FBXW7: variants seen among roughly 807,000 people sequenced by gnomAD.
The protein encoded by FBXW7 is F-box and WD repeat domain containing 7.
A neutral mutation model predicts 86.3 loss-of-function variants in FBXW7; 11 were observed. That is an observed-to-expected ratio of 0.13 (90% CI 0.08 to 0.21). The LOEUF (loss-of-function observed/expected upper bound fraction) is 0.21, where lower values mean the gene tolerates loss of function less well. Among genes scored for constraint, FBXW7 ranks in the 10% least tolerant of loss-of-function variants. The pLI is 1.00. For missense variants in FBXW7, 488 were observed against 847.4 expected (o/e 0.58, Z 5.27); for synonymous variants, 313 against 297.9 (o/e 1.05, Z -0.52).
chr4:152,438,866 CA>C (rs1446801378), intron 2 of FBXW7, among the ~76,000 whole-genome samples: 1 of 152,148 alleles, frequency 6.6e-6, no homozygotes, highest in East Asian at 1.9e-4. Flanking sequence ...AATATAGTAG[CA>C]GCAATGATAA....
chr4:152,412,539 A>G lies in FBXW7; in HGVS notation c.-119-10T>C, dbSNP rs1738054784. On this transcript the variant is annotated splice_polypyrimidine_tract_variant and intron_variant, in intron 2 of 13. Coordinates refer to ENST00000281708, the MANE Select transcript of FBXW7 (RefSeq NM_001349798.2). Reference sequence around the variant, plus strand: ...TCCTAAGGAAGTAATCCTAAAACAGAAAAAAAAAATTTATACAGAGGATGC... The same window carrying G: ...TCCTAAGGAAGTAATCCTAAAACAGGAAAAAAAAATTTATACAGAGGATGC... 1 of 150,870 alleles carries G rather than the reference A, an allele frequency of 6.6e-6. No homozygotes were observed. Among genetic ancestry groups the G allele is most frequent in the Non-Finnish European group, 1.5e-5 (1 of 67,566 alleles). 9.3% of individuals were successfully genotyped at this position (150,870 alleles called of 1,614,324 possible).
chr4:152,382,056 T>C (rs1267943654), intron 4 of FBXW7: 7 of 495,948 alleles, frequency 1.4e-5, no homozygotes, highest in Non-Finnish European at 1.4e-5. Flanking sequence ...TATATAAGTG[T>C]TTACTGGCTA....
chr4:152,480,444 T>C (rs1246960489), intron 2 of FBXW7, among the ~76,000 whole-genome samples: 1 of 152,102 alleles, frequency 6.6e-6, no homozygotes, highest in Non-Finnish European at 1.5e-5. Flanking sequence ...ACATTGAAAT[T>C]TGTCCAATTA....
Position 152,444,023 on chromosome 4 carries a change from G to GTTCTCTACAAACATGTGC in FBXW7, c.-119-31512_-119-31495dup, listed in dbSNP as rs200267652. ...CCTTCCAGCTCCTTCTCTACAAAGC[G>GTTCTCTACAAACATGTGC]TTCTCTACAAACATGTGCTTCTCTA... On this transcript the variant is annotated intron_variant, in intron 2 of 13. Coordinates refer to ENST00000281708, the MANE Select transcript of FBXW7 (RefSeq NM_001349798.2). 5.0e-3 allele frequency among the ~76,000 whole-genome samples: 765 copies of GTTCTCTACAAACATGTGC among 151,928 alleles called. 7 individuals carry two copies. The highest frequency in any genetic ancestry group is 0.017 in the African/African-American group (706 of 41,340).
chr4:152,341,802 C>T (rs983595581), intron 6 of FBXW7, among the ~76,000 whole-genome samples: 6 of 152,124 alleles, frequency 3.9e-5, no homozygotes, highest in Admixed American at 6.5e-5. Flanking sequence ...TGACTATCTA[C>T]GTGTGTATGT....
chr4:152,458,804 AAAGG>A (rs1742670980), intron 2 of FBXW7, among the ~76,000 whole-genome samples: 1 of 152,232 alleles, frequency 6.6e-6, no homozygotes, highest in Non-Finnish European at 1.5e-5. Flanking sequence ...GGCAGGAAAG[AAAGG>A]GAGGTGGGGG....
chr4:152,346,361 G>T (rs190640110), intron 6 of FBXW7, among the ~76,000 whole-genome samples: 9 of 152,138 alleles, frequency 5.9e-5, no homozygotes, highest in Admixed American at 5.9e-4. Flanking sequence ...TAGAAAACTA[G>T]ACAACCCAGA....
chr4:152,493,554 C>T (rs566722452), intron 2 of FBXW7, among the ~76,000 whole-genome samples: 142 of 152,300 alleles, frequency 9.3e-4, no homozygotes, highest in African/African-American at 3.3e-3. Flanking sequence ...GCCCTAACCC[C>T]CAGTACGTCA....
intron 2 of FBXW7, among the ~76,000 whole-genome samples, chr4:152,530,070 T>C (rs4986777): frequency 1.7e-4 from 21 of 124,652 alleles, no homozygotes; most frequent in Non-Finnish European, 2.0e-4. Flanking sequence ...AAAAAAAAAA[T>C]ACACACACAC....
Position 152,513,097 on chromosome 4 carries a change from G to C in FBXW7, c.-120+21844C>G, listed in dbSNP as rs142830464. ...GGCTGGTCTCGAACCCTTGACCTCA[G>C]GTGATCCGCTCACCTCAGCCTCCCA... On this transcript the variant is annotated intron_variant, in intron 2 of 13. Transcript: ENST00000281708. Among the ~76,000 whole-genome samples, 1,279 of 152,216 alleles carry C rather than the reference G, an allele frequency of 8.4e-3. 11 individuals are homozygous for C. Among genetic ancestry groups the C allele is most frequent in the Non-Finnish European group, 0.013 (860 of 68,004 alleles).
At chr4:152,382,076 T>C (rs1456092478) in intron 4 of FBXW7, 1 of 614,102 alleles carries the variant, frequency 1.6e-6, no homozygotes, top group Middle Eastern at 2.7e-4. Context: ...ACACAATGCA[T>C]TGATAGTTTT....
intron 2 of FBXW7, among the ~76,000 whole-genome samples, chr4:152,423,160 T>A (rs1739092757): frequency 6.6e-6 from 1 of 152,188 alleles, no homozygotes; most frequent in African/African-American, 2.4e-5. Flanking sequence ...TTTTAGCAGC[T>A]GTTGATATTC....
At position 152,322,824 on chromosome 4, in the gene FBXW7, G is replaced by A. The variant is rs2126455655; in HGVS notation, c.*57C>T. 6 of 1,579,454 alleles carry A rather than the reference G, an allele frequency of 3.8e-6. No homozygotes were observed. Among genetic ancestry groups the A allele is most frequent in the Non-Finnish European group, 5.2e-6 (6 of 1,163,380 alleles). ...TCTTTTCTTTTTTTCTTTTTGCAGG[G>A]GGAAGGGCAGGGAGTATATCGTCTA... On this transcript the variant is annotated 3_prime_UTR_variant, in exon 14 of 14. Coordinates refer to ENST00000281708, the MANE Select transcript of FBXW7 (RefSeq NM_001349798.2).
chr4:152,440,840 T>A (rs1400519199), intron 2 of FBXW7, among the ~76,000 whole-genome samples: 1 of 152,160 alleles, frequency 6.6e-6, no homozygotes, highest in East Asian at 1.9e-4. Flanking sequence ...ACCCTGACTG[T>A]TCACACCACT....
At position 152,328,252 on chromosome 4, in the gene FBXW7, A is replaced by G; in HGVS notation, c.1374T>C (p.Tyr458=). ...TACAACGCACAGTGGAAGTATGCCC[A>G]TATAAGGTGTGTATACATTCTCCAG... ...AETGECIHTL[Y]GHTSTVRCMH... The change falls in exon 11 of 14, where the codon TAT becomes TAC. Residue 458 remains tyrosine, a synonymous_variant. Transcript: ENST00000281708. 6.2e-7 allele frequency: 1 copy of G among 1,600,738 alleles called. No individual in the cohort carries two copies. Among genetic ancestry groups the G allele is most frequent in the Non-Finnish European group, 8.5e-7 (1 of 1,174,600 alleles).
chr4:152,528,938 TTGTG>T (rs142822510), intron 2 of FBXW7, among the ~76,000 whole-genome samples: 23 of 149,938 alleles, frequency 1.5e-4, no homozygotes, highest in African/African-American at 4.9e-4. Context: ...CATACATACT[TTGTG>T]TGTGTGTGTG....
chr4:152,462,627 T>C, intron 2 of FBXW7, among the ~76,000 whole-genome samples: 1 of 152,202 alleles, frequency 6.6e-6, no homozygotes, highest in East Asian at 1.9e-4. Flanking sequence ...AACATACAAT[T>C]ACACATTGCA....
intron 4 of FBXW7, among the ~76,000 whole-genome samples, chr4:152,404,613 C>A (rs1737244971): frequency 6.6e-6 from 1 of 152,128 alleles, no homozygotes; most frequent in African/African-American, 2.4e-5. Flanking sequence ...TGTTTAATGG[C>A]TGTATGAATT....
intron 4 of FBXW7, among the ~76,000 whole-genome samples, chr4:152,378,222 TCTA>T (rs1734734086): frequency 6.6e-6 from 1 of 152,222 alleles, no homozygotes; most frequent in Non-Finnish European, 1.5e-5. Context: ...ACACAAATAT[TCTA>T]CTTTTATTTC....
Sources: gnomAD v4.1 joint callset for allele counts (sites outside exome capture counted in the v4.1 genomes callset) on GRCh38, gnomAD v4.1.1 for gene constraint, MANE v1.5 for transcripts, NCBI Gene and HGNC (gene_info 2026-07-23, HGNC 2026-07-21) for gene names.